PCSK5: variants seen among roughly 807,000 people sequenced by gnomAD.
PCSK5 encodes proprotein convertase subtilisin/kexin type 5.
A neutral mutation model predicts 233.2 loss-of-function variants in PCSK5; 129 were observed. The ratio of observed to expected loss-of-function variants is 0.55; its 90% CI spans 0.48 to 0.64. The LOEUF is 0.64. Among genes scored for constraint, PCSK5 ranks in the 30% least tolerant of loss-of-function variants. The pLI is 0.00. For missense variants in PCSK5, 2,076 were observed against 2,430.1 expected (o/e 0.85, Z 3.06); for synonymous variants, 825 against 879.2 (o/e 0.94, Z 1.09).
chr9:76,302,140 C>T lies in PCSK5; in HGVS notation c.3527C>T (p.Ala1176Val), dbSNP rs1261376400. The stretch of plus-strand genomic sequence containing the variant: ...ACTTTTTTTTTTAATAAAAAAGAAG[C>T]TGTGTCCACTGCAAACCTATCTGTG... ...TQEEGKFWNEAVSTANLSVVK... is the reference protein window; with the variant it reads ...TQEEGKFWNEVVSTANLSVVK... The change falls in exon 28 of 38, where the codon GCT becomes GTT. Residue 1176 changes from alanine to valine, a missense_variant. Transcript: ENST00000674117. 3 of 1,310,134 alleles carry T rather than the reference C, an allele frequency of 2.3e-6. No homozygotes were observed. The highest frequency in any genetic ancestry group is 1.3e-5 in the South Asian group (1 of 78,938). The allele number at this position is 1,310,134 out of a possible 1,614,324, so 81.2% of individuals were successfully genotyped here.
chr9:76,096,188 T>TACACACAC (rs142997056), intron 8 of PCSK5, 86 bp downstream of exon 8: 16 of 658,870 alleles, frequency 2.4e-5, no homozygotes, highest in East Asian at 8.8e-5. Context: ...CATATATATA[T>TACACACAC]ATACACACAC....
intron 7 of PCSK5, among the ~76,000 whole-genome samples, chr9:76,093,582 T>TACACACAC (rs3074176): frequency 4.7e-5 from 7 of 149,928 alleles, no homozygotes; most frequent in African/African-American, 1.7e-4. Flanking sequence ...TATATATATA[T>TACACACAC]ACACACACAC....
intron 1 of PCSK5, among the ~76,000 whole-genome samples, chr9:75,895,504 G>A (rs1825765976): frequency 6.6e-6 from 1 of 152,092 alleles, no homozygotes; most frequent in South Asian, 2.1e-4. Context: ...TTGTAGGCAG[G>A]GAAAATGATT....
intron 2 of PCSK5, among the ~76,000 whole-genome samples, chr9:75,954,634 G>A (rs771158257): frequency 1.3e-5 from 2 of 152,160 alleles, no homozygotes; most frequent in Non-Finnish European, 2.9e-5. Flanking sequence ...TAAGGAGATT[G>A]AAGTGGGAAT....
intron 32 of PCSK5, 27 bp from the exon 33 acceptor site, chr9:76,327,982 C>A: frequency 6.7e-7 from 1 of 1,481,638 alleles, no homozygotes; most frequent in Non-Finnish European, 9.4e-7. Flanking sequence ...CTCGCTCACT[C>A]TGTCTGCTGC....
chr9:76,139,463 A>G (rs1823113830), intron 10 of PCSK5, among the ~76,000 whole-genome samples: 1 of 152,090 alleles, frequency 6.6e-6, no homozygotes, highest in Admixed American at 6.6e-5. Context: ...GAAAGGTTGA[A>G]GTGAAGTGGT....
rs1460903757 is a variant in PCSK5 at position 76,194,536 on chromosome 9, C to T, written c.2626+4790C>T. 4.6e-5 allele frequency: 8 copies of T among 173,156 alleles called. 1 individual carries two copies. In the South Asian group the frequency reaches 8.6e-4, roughly 19 times the overall value. 10.7% of individuals were successfully genotyped at this position (173,156 alleles called of 1,614,324 possible). A position where few individuals can be genotyped will look rare whatever the true frequency, so the allele number is the denominator to read the frequency against. On this transcript the variant is annotated intron_variant, in intron 20 of 37. Coordinates refer to ENST00000674117, the MANE Select transcript of PCSK5 (RefSeq NM_001372043.1). ...TTCTCTTATTTTTCTACTCCTCTGT[C>T]CCTCTATAACTATGCCATACTATTA... is the stretch of plus-strand genomic sequence containing the variant.
intron 24 of PCSK5, among the ~76,000 whole-genome samples, chr9:76,263,917 A>C (rs1827259009): frequency 6.6e-6 from 1 of 152,190 alleles, no homozygotes; most frequent in Non-Finnish European, 1.5e-5. Context: ...TATTTCTATT[A>C]AGCTGCCAAT....
intron 37 of PCSK5, among the ~76,000 whole-genome samples, chr9:76,355,460 G>C (rs959424512): frequency 1.8e-4 from 27 of 151,654 alleles, no homozygotes; most frequent in Non-Finnish European, 2.9e-4. Context: ...GTGACAGAGC[G>C]AGACTCCGTC....
At chr9:76,057,899 C>T (rs956317620) in intron 5 of PCSK5, among the ~76,000 whole-genome samples, 19 of 138,870 alleles carry the variant, frequency 1.4e-4, no homozygotes, top group African/African-American at 3.9e-4. Flanking sequence ...TGCAGTAGCA[C>T]GAACACAGCT....
chr9:76,057,192 T>C (rs2131571614), intron 5 of PCSK5, among the ~76,000 whole-genome samples: 1 of 152,302 alleles, frequency 6.6e-6, no homozygotes, highest in Middle Eastern at 3.4e-3. Context: ...TTTTGTGACT[T>C]TTATATTTAA....
At position 76,064,861 on chromosome 9, in the gene PCSK5, T is replaced by C. The variant is rs1001692342; in HGVS notation, c.633-3094T>C. On this transcript the variant is annotated intron_variant, in intron 5 of 37. Coordinates refer to ENST00000674117, the MANE Select transcript of PCSK5 (RefSeq NM_001372043.1). ...CACTTCCTAGATGTGATCTCTTTTT[T>C]ATTTTTGTAGAGACGCAGTCTCCCT... is the stretch of plus-strand genomic sequence containing the variant. Among the ~76,000 whole-genome samples, 3 of 152,358 alleles carry C rather than the reference T, an allele frequency of 2.0e-5. No individual in the cohort carries two copies. The South Asian group carries it at 6.2e-4, about 32-fold the overall frequency.
chr9:76,248,629 T>C (rs557922698), intron 24 of PCSK5, among the ~76,000 whole-genome samples: 2 of 152,326 alleles, frequency 1.3e-5, no homozygotes, highest in African/African-American at 4.8e-5. Context: ...CTCAAAGTAC[T>C]ACTACAATTA....
chr9:76,202,895 G>T (rs1228210607), intron 20 of PCSK5, among the ~76,000 whole-genome samples: 2 of 152,140 alleles, frequency 1.3e-5, no homozygotes, highest in Non-Finnish European at 2.9e-5. Context: ...TGCCTTATAT[G>T]TCGTGAACCT....
intron 8 of PCSK5, among the ~76,000 whole-genome samples, chr9:76,100,207 A>G (rs1282047283): frequency 6.6e-6 from 1 of 152,242 alleles, no homozygotes; most frequent in Non-Finnish European, 1.5e-5. Context: ...CAAAGTATAA[A>G]GATTACTATG....
chr9:75,930,451 A>T (rs1823735188), intron 1 of PCSK5, among the ~76,000 whole-genome samples: 1 of 152,216 alleles, frequency 6.6e-6, no homozygotes, highest in Non-Finnish European at 1.5e-5. Flanking sequence ...AGCGTACGGA[A>T]TAGTTCCCTG....
chr9:76,152,106 G>A (rs564443182), intron 10 of PCSK5, among the ~76,000 whole-genome samples: 1 of 152,302 alleles, frequency 6.6e-6, no homozygotes, highest in Admixed American at 6.5e-5. Flanking sequence ...GGTGCAGGAT[G>A]CCTGACTGCC....
chr9:76,216,906 T>G (rs1186760076), intron 20 of PCSK5, among the ~76,000 whole-genome samples: 1 of 152,200 alleles, frequency 6.6e-6, no homozygotes, highest in Non-Finnish European at 1.5e-5. Context: ...AATGGTGCAA[T>G]TTTGGCTCAC....
intron 17 of PCSK5, among the ~76,000 whole-genome samples, chr9:76,188,347 G>A (rs1824201605): frequency 6.6e-6 from 1 of 152,226 alleles, no homozygotes; most frequent in Middle Eastern, 3.4e-3. Flanking sequence ...TGTCCCCGAA[G>A]CCTAGCAGCG....
Sources: gnomAD v4.1 joint callset for allele counts (sites outside exome capture counted in the v4.1 genomes callset) on GRCh38, gnomAD v4.1.1 for gene constraint, MANE v1.5 for transcripts, NCBI Gene and HGNC (gene_info 2026-07-23, HGNC 2026-07-21) for gene names.